Variants in TNIK observed in about 807,000 individuals in gnomAD.
TNIK encodes the protein TRAF2 and NCK interacting kinase.
In TNIK, 49 loss-of-function variants were observed where a neutral mutation model predicts 191.3. That is an observed-to-expected ratio of 0.26 (90% CI 0.20 to 0.32). The LOEUF is 0.32. Ranked by LOEUF, TNIK falls within the 10% of genes least tolerant of loss-of-function variation. TNIK has a pLI of 1.00. For synonymous variants in TNIK, 594 were observed against 600.9 expected (o/e 0.99, Z 0.17); for missense variants, 1,155 against 1,702.3 (o/e 0.68, Z 5.66).
chr3:171,081,309 G>C (rs975660209), intron 27 of TNIK, among the ~76,000 whole-genome samples: 9 of 151,914 alleles, frequency 5.9e-5, no homozygotes, highest in Admixed American at 5.2e-4. Flanking sequence ...TGTCAAAATG[G>C]AAGTACAGCT....
At chr3:171,231,323 T>C (rs950701260) in intron 2 of TNIK, among the ~76,000 whole-genome samples, 4 of 152,038 alleles carry the variant, frequency 2.6e-5, no homozygotes, top group African/African-American at 9.7e-5. Flanking sequence ...TTTTGTTTTT[T>C]TTTTTGTTTT....
chr3:171,141,286 A>G (rs1730802033), intron 12 of TNIK, among the ~76,000 whole-genome samples: 1 of 152,220 alleles, frequency 6.6e-6, no homozygotes, highest in Non-Finnish European at 1.5e-5. Context: ...TATCTGAGAA[A>G]ACTGAGGTAC....
chr3:171,224,466 T>C (rs1165004998), intron 3 of TNIK, among the ~76,000 whole-genome samples: 2 of 150,694 alleles, frequency 1.3e-5, no homozygotes, highest in South Asian at 2.1e-4. Flanking sequence ...TACAGGGTTA[T>C]CAAAAAAAAA....
chr3:171,390,359 G>A (rs1015919008), intron 1 of TNIK, among the ~76,000 whole-genome samples: 1 of 152,202 alleles, frequency 6.6e-6, no homozygotes, highest in Non-Finnish European at 1.5e-5. Flanking sequence ...AAGTAGGACT[G>A]AAAGTAGAAA....
chr3:171,169,825 T>G (rs1463612876), intron 9 of TNIK, among the ~76,000 whole-genome samples: 1 of 152,130 alleles, frequency 6.6e-6, no homozygotes, highest in Non-Finnish European at 1.5e-5. Context: ...TCAGAGATAT[T>G]CAAGAGAATA....
chr3:171,374,287 C>A (rs1716928748), intron 1 of TNIK, among the ~76,000 whole-genome samples: 1 of 152,144 alleles, frequency 6.6e-6, no homozygotes, highest in South Asian at 2.1e-4. Flanking sequence ...GTATTCCCAG[C>A]TTAAAAAAAT....
At chr3:171,181,129 A>G (rs372064635) in intron 7 of TNIK, among the ~76,000 whole-genome samples, 5 of 152,226 alleles carry the variant, frequency 3.3e-5, no homozygotes, top group Admixed American at 2.0e-4. Flanking sequence ...GGCATGAGCC[A>G]CTACACCCAG....
chr3:171,424,175 T>C (rs1165659522), intron 1 of TNIK, among the ~76,000 whole-genome samples: 1 of 152,090 alleles, frequency 6.6e-6, no homozygotes, highest in Non-Finnish European at 1.5e-5. Context: ...GGGTGAAGGA[T>C]ATGAACAGAA....
chr3:171,445,145 C>T (rs1400022681), intron 1 of TNIK, among the ~76,000 whole-genome samples: 3 of 151,926 alleles, frequency 2.0e-5, no homozygotes, highest in Admixed American at 6.6e-5. Context: ...AATAGTTGAG[C>T]GAGCCCAGGC....
chr3:171,208,819 CA>C (rs1342048980), intron 4 of TNIK, among the ~76,000 whole-genome samples: 2 of 152,144 alleles, frequency 1.3e-5, no homozygotes, highest in African/African-American at 2.4e-5. Flanking sequence ...CTCAGCCTCC[CA>C]AAGTGCTGGG....
rs140363140 is a variant in TNIK, at chr3:171,166,765, G to C, written c.949+330C>G. Among the ~76,000 whole-genome samples, 593 of 152,312 alleles carry C rather than the reference G, an allele frequency of 3.9e-3. 3 individuals carry two copies. Among genetic ancestry groups the C allele is most frequent in the African/African-American group, 0.014 (568 of 41,556 alleles). On this transcript the variant is annotated intron_variant, in intron 10 of 32. Transcript: ENST00000436636. Reference sequence around the variant, plus strand: ...TTTTTCTTTAGGTTATCTGTCTTCTGTAGAGTTTTAGTCTTCTAAACATGA... The same window carrying C: ...TTTTTCTTTAGGTTATCTGTCTTCTCTAGAGTTTTAGTCTTCTAAACATGA...
At chr3:171,176,942 T>G (rs1456842189) in intron 8 of TNIK, among the ~76,000 whole-genome samples, 1 of 152,250 alleles carries the variant, frequency 6.6e-6, no homozygotes, top group African/African-American at 2.4e-5. Context: ...GTGGAGTCTT[T>G]GTATAACCTG....
At chr3:171,322,128 A>T (rs1334156542) in intron 2 of TNIK, among the ~76,000 whole-genome samples, 1 of 152,200 alleles carries the variant, frequency 6.6e-6, no homozygotes, top group East Asian at 1.9e-4. Context: ...AAACCTAAAC[A>T]CTTCCTTATT....
At chr3:171,131,639 T>C (rs1438169817) in intron 15 of TNIK, among the ~76,000 whole-genome samples, 3 of 152,116 alleles carry the variant, frequency 2.0e-5, no homozygotes, top group Non-Finnish European at 2.9e-5. Flanking sequence ...CCAAAGAAAA[T>C]TGAAAATCTA....
intron 1 of TNIK, among the ~76,000 whole-genome samples, chr3:171,383,186 G>A (rs1348933021): frequency 6.6e-6 from 1 of 152,178 alleles, no homozygotes; most frequent in South Asian, 2.1e-4. Flanking sequence ...GCTGGCTGAT[G>A]ATACAGGGGG....
intron 4 of TNIK, among the ~76,000 whole-genome samples, chr3:171,196,371 T>C (rs1738670703): frequency 6.6e-6 from 1 of 152,124 alleles, no homozygotes; most frequent in Admixed American, 6.5e-5. Flanking sequence ...TAAATAGAAT[T>C]TGCCTTTTGG....
At chr3:171,227,706 A>G (rs974186266) in intron 3 of TNIK, among the ~76,000 whole-genome samples, 1 of 152,134 alleles carries the variant, frequency 6.6e-6, no homozygotes. Context: ...ATTTAGGGAG[A>G]TTATTTTTCT....
chr3:171,183,295 A>G (rs1275618524), intron 7 of TNIK, among the ~76,000 whole-genome samples: 1 of 152,254 alleles, frequency 6.6e-6, no homozygotes, highest in Non-Finnish European at 1.5e-5. Flanking sequence ...AAGGGAGGAC[A>G]GCTGACTCCT....
chr3:171,275,783 G>GCTA (rs1161474690), intron 2 of TNIK, among the ~76,000 whole-genome samples: 1 of 152,070 alleles, frequency 6.6e-6, no homozygotes, highest in African/African-American at 2.4e-5. Context: ...TGTAGTCCCA[G>GCTA]CTACTCGGGA....
Sources: gnomAD v4.1 joint callset for allele counts (sites outside exome capture counted in the v4.1 genomes callset) on GRCh38, gnomAD v4.1.1 for gene constraint, MANE v1.5 for transcripts, NCBI Gene and HGNC (gene_info 2026-07-23, HGNC 2026-07-21) for gene names.